The following FOXN3 variants were observed in gnomAD, a reference collection of about 807,000 sequenced individuals.
FOXN3 encodes the protein forkhead box protein N3.
FOXN3 carries 7 observed loss-of-function variants against 38.4 expected under a neutral mutation model. That is an observed-to-expected ratio of 0.18 (90% CI 0.10 to 0.34). FOXN3 has a LOEUF of 0.34. Ranked by LOEUF, FOXN3 falls within the 10% of genes least tolerant of loss-of-function variation. The pLI is 1.00. For missense variants in FOXN3, 456 were observed against 613.4 expected, an observed-to-expected ratio of 0.74 and a Z score of 2.71; for synonymous variants, 230 against 242.2, an observed-to-expected ratio of 0.95 and a Z score of 0.47.
chr14:89,562,599 T>C (rs1596318465), intron 1 of FOXN3, among the ~76,000 whole-genome samples: 1 of 152,100 alleles, frequency 6.6e-6, no homozygotes. Context: ...CACAGGATGG[T>C]GGAACAGAAC....
At chr14:89,283,841 C>G (rs1268416079) in intron 3 of FOXN3, among the ~76,000 whole-genome samples, 2 of 152,120 alleles carry the variant, frequency 1.3e-5, no homozygotes, top group Non-Finnish European at 2.9e-5. Context: ...GCAGGGTGAG[C>G]AGGGCAGAAA....
rs759103887 is a variant in FOXN3, at chr14:89,159,253, A to T, written c.*3161T>A. On this transcript the variant is annotated 3_prime_UTR_variant, in exon 6 of 6. Transcript: ENST00000557258. ...TTGATACTTTTTGTTTTTGTTCTCA[A>T]CAATCAAAATACAAAGTTAAACACA... is the stretch of plus-strand genomic sequence containing the variant. The T allele has an allele frequency of 7.2e-5, 11 of 152,612 alleles. No homozygotes were observed. Among genetic ancestry groups the T allele is most frequent in the Non-Finnish European group, 1.3e-4 (9 of 68,032 alleles). 9.5% of individuals were successfully genotyped at this position (152,612 alleles called of 1,614,324 possible). A position where few individuals can be genotyped will look rare whatever the true frequency, so the allele number is the denominator to read the frequency against.
chr14:89,414,551 GTTTTT>G (rs748504239), intron 1 of FOXN3, among the ~76,000 whole-genome samples: 1 of 122,904 alleles, frequency 8.1e-6, no homozygotes, highest in Non-Finnish European at 1.7e-5. Flanking sequence ...GGCCCAACCG[GTTTTT>G]TTTTTTTTTT....
intron 4 of FOXN3, among the ~76,000 whole-genome samples, chr14:89,189,337 C>T (rs550358958): frequency 6.6e-6 from 1 of 152,320 alleles, no homozygotes; most frequent in African/African-American, 2.4e-5. Flanking sequence ...GCTCAGCAAG[C>T]CATGTGGCCC....
At chr14:89,239,991 T>C (rs1241336464) in intron 4 of FOXN3, among the ~76,000 whole-genome samples, 1 of 152,202 alleles carries the variant, frequency 6.6e-6, no homozygotes, top group Non-Finnish European at 1.5e-5. Context: ...ATGCTCTCCC[T>C]CTTGTTCATC....
intron 1 of FOXN3, among the ~76,000 whole-genome samples, chr14:89,441,076 C>T (rs554085365): frequency 6.6e-6 from 1 of 152,156 alleles, no homozygotes; most frequent in East Asian, 1.9e-4. Flanking sequence ...AGAAAGTGGC[C>T]GAGGCTCCGG....
intron 1 of FOXN3, among the ~76,000 whole-genome samples, chr14:89,613,079 T>G (rs1280087943): frequency 7.6e-6 from 1 of 131,762 alleles, no homozygotes; most frequent in Non-Finnish European, 1.5e-5. Flanking sequence ...ATCGCGCCAT[T>G]GCAGTCCTGC....
At chr14:89,575,475 C>T (rs1219608746) in intron 1 of FOXN3, among the ~76,000 whole-genome samples, 1 of 152,152 alleles carries the variant, frequency 6.6e-6, no homozygotes, top group Non-Finnish European at 1.5e-5. Flanking sequence ...CCTGCTTTTA[C>T]CAAAGGCAGG....
At chr14:89,380,318 C>T (rs565689968) in intron 2 of FOXN3, among the ~76,000 whole-genome samples, 24 of 152,338 alleles carry the variant, frequency 1.6e-4, no homozygotes, top group Admixed American at 1.1e-3. Context: ...ACCCAAGCCA[C>T]GCAGAATTGT....
At chr14:89,447,390 G>C (rs1738594533) in intron 1 of FOXN3, among the ~76,000 whole-genome samples, 1 of 152,096 alleles carries the variant, frequency 6.6e-6, no homozygotes, top group Non-Finnish European at 1.5e-5. Context: ...GAGTTAAGAA[G>C]GTGGGCGGCG....
chr14:89,345,277 G>A (rs1794657117), intron 3 of FOXN3, among the ~76,000 whole-genome samples: 1 of 151,738 alleles, frequency 6.6e-6, no homozygotes, highest in Admixed American at 6.6e-5. Flanking sequence ...CAGTGCTGCA[G>A]TGATTTTACT....
At chr14:89,587,410 G>A (rs1002303526) in intron 1 of FOXN3, among the ~76,000 whole-genome samples, 3 of 152,184 alleles carry the variant, frequency 2.0e-5, no homozygotes, top group Admixed American at 1.3e-4. Flanking sequence ...AATGCCCACA[G>A]GAGCCAGGCA....
intron 4 of FOXN3, among the ~76,000 whole-genome samples, chr14:89,250,745 G>GGA (rs904835409): frequency 1.1e-4 from 17 of 152,206 alleles, no homozygotes; most frequent in African/African-American, 4.1e-4. Flanking sequence ...ATGCGTTATG[G>GGA]GAGAGACCTG....
intron 1 of FOXN3, among the ~76,000 whole-genome samples, chr14:89,522,841 A>T (rs1894350526): frequency 6.6e-6 from 1 of 152,084 alleles, no homozygotes; most frequent in Non-Finnish European, 1.5e-5. Context: ...ATAACAAGTT[A>T]GTCAGTTTAA....
chr14:89,595,889 G>A (rs930723674), intron 1 of FOXN3, among the ~76,000 whole-genome samples: 1 of 152,044 alleles, frequency 6.6e-6, no homozygotes, highest in African/African-American at 2.4e-5. Flanking sequence ...TTATTAGTTT[G>A]CAGAAATCTT....
intron 1 of FOXN3, among the ~76,000 whole-genome samples, chr14:89,458,135 G>A (rs2139723173): frequency 6.6e-6 from 1 of 152,118 alleles, no homozygotes; most frequent in East Asian, 1.9e-4. Context: ...TTGGAGGAAG[G>A]AAGGTGACAT....
At chr14:89,258,210 T>C (rs1885686014) in intron 4 of FOXN3, among the ~76,000 whole-genome samples, 2 of 152,118 alleles carry the variant, frequency 1.3e-5, no homozygotes, top group South Asian at 4.1e-4. Context: ...CTGAGCCAAG[T>C]GACCCTCAGC....
At chr14:89,194,623 TAA>T (rs1429379357) in intron 4 of FOXN3, among the ~76,000 whole-genome samples, 1 of 151,980 alleles carries the variant, frequency 6.6e-6, no homozygotes, top group African/African-American at 2.4e-5. Context: ...TCTCCAAAGA[TAA>T]GAGATACTAT....
chr14:89,191,484 A>G (rs1237085395), intron 4 of FOXN3, among the ~76,000 whole-genome samples: 1 of 152,176 alleles, frequency 6.6e-6, no homozygotes, highest in East Asian at 1.9e-4. Flanking sequence ...TGTCCGCCAA[A>G]CCCAATGACT....
Sources: gnomAD v4.1 joint callset for allele counts (sites outside exome capture counted in the v4.1 genomes callset) on GRCh38, gnomAD v4.1.1 for gene constraint, MANE v1.5 for transcripts, NCBI Gene and HGNC (gene_info 2026-07-23, HGNC 2026-07-21) for gene names.